Variants in PRTG observed in about 807,000 individuals in gnomAD.
PRTG encodes the protein protogenin.
PRTG carries 67 observed loss-of-function variants against 122.5 expected under a neutral mutation model. That is an observed-to-expected ratio of 0.55 (90% confidence interval 0.45 to 0.67). The LOEUF (loss-of-function observed/expected upper bound fraction) is 0.67. Ranked by LOEUF, PRTG falls within the 30% of genes least tolerant of loss-of-function variation. The pLI is 0.00. For missense variants in PRTG, 1,435 were observed against 1,415.4 expected, an observed-to-expected ratio of 1.01 and a Z score of -0.22; for synonymous variants, 554 against 501.1, an observed-to-expected ratio of 1.11 and a Z score of -1.41.
chr15:55,687,746 A>T (rs2059578241), intron 2 of PRTG, among the ~76,000 whole-genome samples: 1 of 152,238 alleles, frequency 6.6e-6, no homozygotes, highest in Non-Finnish European at 1.5e-5. Context: ...AAACACCTTT[A>T]TATTTAAAAT....
chr15:55,642,270 A>G (rs1595613798), intron 11 of PRTG, among the ~76,000 whole-genome samples: 1 of 152,104 alleles, frequency 6.6e-6, no homozygotes, highest in Non-Finnish European at 1.5e-5. Flanking sequence ...AAATACATTT[A>G]AGTTAACTGT....
intron 11 of PRTG, among the ~76,000 whole-genome samples, chr15:55,659,664 G>A (rs1434679995): frequency 6.6e-6 from 1 of 152,120 alleles, no homozygotes; most frequent in Non-Finnish European, 1.5e-5. Flanking sequence ...AGTGGTTCAC[G>A]CCTGTAATCC....
chr15:55,731,428 C>T (rs1446112518), intron 2 of PRTG, among the ~76,000 whole-genome samples: 10 of 127,352 alleles, frequency 7.9e-5, no homozygotes, highest in African/African-American at 2.3e-4. Flanking sequence ...TGGAGTACAA[C>T]GGCATGCTCT....
chr15:55,704,926 AATG>A (rs1414627752), intron 2 of PRTG, among the ~76,000 whole-genome samples: 1 of 152,198 alleles, frequency 6.6e-6, no homozygotes, highest in Non-Finnish European at 1.5e-5. Flanking sequence ...TTCACAACAT[AATG>A]ATGTCTTTTA....
At position 55,672,626 on chromosome 15, in the gene PRTG, C is replaced by T. The variant is rs772843539; in HGVS notation, c.1860G>A (p.Lys620=). The change falls in exon 11 of 20, where the codon AAG becomes AAA. Residue 620 remains lysine (K), a synonymous_variant. Coordinates refer to ENST00000389286, the MANE Select transcript of PRTG (RefSeq NM_173814.6). ...TPKATSVKAP[K]SPELHLEPLN... ...GAGGCTCCAAATGCAACTCTGGAGACTTAGGGGCTAGCAAAATTCATCAGA... is the reference window on the plus strand; with the variant it reads ...GAGGCTCCAAATGCAACTCTGGAGATTTAGGGGCTAGCAAAATTCATCAGA... The T allele has an allele frequency of 6.2e-7, 1 of 1,611,400 alleles. No homozygotes were observed. Among genetic ancestry groups the T allele is most frequent in the Non-Finnish European group, 8.5e-7 (1 of 1,178,998 alleles).
intron 2 of PRTG, among the ~76,000 whole-genome samples, chr15:55,716,066 A>G (rs2030585666): frequency 6.6e-6 from 1 of 152,236 alleles, no homozygotes; most frequent in Admixed American, 6.5e-5. Flanking sequence ...AACAAATTAC[A>G]AATGAATTTG....
intron 2 of PRTG, among the ~76,000 whole-genome samples, chr15:55,708,833 A>G (rs1475790474): frequency 2.0e-5 from 3 of 151,770 alleles, no homozygotes; most frequent in Non-Finnish European, 2.9e-5. Context: ...TGGGAAAACA[A>G]ATACTTAATA....
intron 11 of PRTG, among the ~76,000 whole-genome samples, chr15:55,657,122 G>A (rs2059384782): frequency 6.6e-6 from 1 of 152,110 alleles, no homozygotes; most frequent in Non-Finnish European, 1.5e-5. Context: ...GCCCTCTTGG[G>A]ACACAGAATT....
chr15:55,626,886 C>T (rs1595601795), intron 17 of PRTG, 122 bp downstream of exon 17: 1 of 772,126 alleles, frequency 1.3e-6, no homozygotes, highest in South Asian at 2.5e-5. Flanking sequence ...AACAATACTG[C>T]ACATTTATTT....
intron 13 of PRTG, 75 bp downstream of exon 13, chr15:55,639,567 T>C (rs2059277711): frequency 3.8e-6 from 5 of 1,326,322 alleles, no homozygotes; most frequent in East Asian, 2.3e-5. Flanking sequence ...GGGCCCAAGA[T>C]GGTAAGAGGT....
At chr15:55,739,659 C>T (rs1362135295) in intron 2 of PRTG, among the ~76,000 whole-genome samples, 8 of 152,130 alleles carry the variant, frequency 5.3e-5, no homozygotes, top group Non-Finnish European at 1.2e-4. Context: ...TATCTTTACA[C>T]GCAACAGTTA....
chr15:55,678,553 T>C (rs567478000), intron 7 of PRTG, among the ~76,000 whole-genome samples: 1 of 152,300 alleles, frequency 6.6e-6, no homozygotes, highest in Non-Finnish European at 1.5e-5. Context: ...GCTTATAGTA[T>C]CATTTTAGAT....
Position 55,619,700 on chromosome 15 carries a change from T to A in PRTG, c.*312A>T, listed in dbSNP as rs1319018311. The stretch of plus-strand genomic sequence containing the variant: ...GACCGTTCTTTCACATTGCTGACAA[T>A]GAAACATTCAAATTACACAAGTTTA... On this transcript the variant is annotated 3_prime_UTR_variant, in exon 20 of 20. Transcript: ENST00000389286. The A allele has an allele frequency of 3.5e-6, 1 of 288,682 alleles. No homozygotes were observed. The highest frequency in any genetic ancestry group is 4.8e-5 in the Admixed American group (1 of 21,018). The allele number at this position is 288,682 out of a possible 1,614,324, so 17.9% of individuals were successfully genotyped here.
At position 55,656,730 on chromosome 15, in the gene PRTG, G is replaced by C. The variant is rs547460586; in HGVS notation, c.2042-15522C>G. On this transcript the variant is annotated intron_variant, in intron 11 of 19. Coordinates refer to ENST00000389286, the MANE Select transcript of PRTG (RefSeq NM_173814.6). ...TCACCCTGTTAGCCAGGATGGTCTC[G>C]ATCTCCTGACCTCATGATCTGCCCA... 7.2e-5 allele frequency among the ~76,000 whole-genome samples: 11 copies of C among 152,340 alleles called. No homozygotes were observed. The South Asian group carries it at 2.3e-3, about 32-fold the overall frequency.
At chr15:55,664,028 C>T (rs1277882826) in intron 11 of PRTG, among the ~76,000 whole-genome samples, 1 of 152,158 alleles carries the variant, frequency 6.6e-6, no homozygotes, top group Non-Finnish European at 1.5e-5. Context: ...TGCAGTTTAT[C>T]TGTTCACCTG....
chr15:55,635,074 G>GTGTGTGTGTGT (rs1567076962), intron 15 of PRTG, among the ~76,000 whole-genome samples: 36,710 of 134,988 alleles, frequency 0.27, 5,581 homozygotes, highest in Middle Eastern at 0.36. Context: ...GTTGGTTCTG[G>GTGTGTGTGTGT]GTGTGTGTGT....
Position 55,734,748 on chromosome 15 carries a change from TAAAAA to T in PRTG, c.397+5629_397+5633del, listed in dbSNP as rs11310425. Among the ~76,000 whole-genome samples the T allele has an allele frequency of 1.4e-4, 21 of 152,030 alleles. No homozygotes were observed. In the South Asian group the frequency reaches 4.2e-3, roughly 30 times the overall value. On this transcript the variant is annotated intron_variant, in intron 2 of 19. Coordinates refer to ENST00000389286, the MANE Select transcript of PRTG (RefSeq NM_173814.6). Reference sequence around the variant, plus strand: ...AAAGTAGTTTCTGAGAACCAGAGGTTAAAAAAAAACACACAAGGAATGTAAAAGTC... The same window carrying T: ...AAAGTAGTTTCTGAGAACCAGAGGTTAAAACACACAAGGAATGTAAAAGTC...
At chr15:55,673,229 A>T in intron 10 of PRTG, 142 bp downstream of exon 10, 1 of 683,252 alleles carries the variant, frequency 1.5e-6, no homozygotes. Context: ...TAAAAAGTTT[A>T]ATTTTTTTCA....
intron 1 of PRTG, among the ~76,000 whole-genome samples, chr15:55,741,752 T>C (rs1410822285): frequency 6.6e-6 from 1 of 152,214 alleles, no homozygotes; most frequent in Non-Finnish European, 1.5e-5. Flanking sequence ...ATACTCACTC[T>C]TCAAGGCTCC....
Sources: allele counts gnomAD v4.1 joint callset (sites outside exome capture counted in the v4.1 genomes callset), GRCh38; gene constraint gnomAD v4.1.1; transcripts MANE v1.5; gene names NCBI Gene and HGNC (gene_info 2026-07-23, HGNC 2026-07-21).